Variants in IGLL1 observed in about 807,000 individuals in gnomAD.
IGLL1 encodes immunoglobulin lambda like polypeptide 1.
Under a neutral mutation model 10.5 loss-of-function variants are expected in IGLL1, and 10 were observed. That is an observed-to-expected ratio of 0.95 (90% confidence interval 0.59 to 1.62). IGLL1 has a LOEUF of 1.62. Ranked by LOEUF, IGLL1 falls within the 40% of genes most tolerant of loss-of-function variation. The probability of loss-of-function intolerance (pLI) is 0.00; values close to 1 mark genes in which losing one functional copy is unlikely to be tolerated. For synonymous variants in IGLL1, 141 were observed against 122.7 expected (o/e 1.15, Z -0.99); for missense variants, 284 against 278.7 (o/e 1.02, Z -0.14).
chr22:23,576,026 T>C (rs1925042276), intron 1 of IGLL1, among the ~76,000 whole-genome samples: 1 of 152,100 alleles, frequency 6.6e-6, no homozygotes, highest in Non-Finnish European at 1.5e-5. Context: ...CTGGAGTCTA[T>C]CCCAGCTCCA....
chr22:23,578,502 C>T (rs1177587440), intron 1 of IGLL1, among the ~76,000 whole-genome samples: 1 of 152,214 alleles, frequency 6.6e-6, no homozygotes, highest in African/African-American at 2.4e-5. Context: ...GACACCCGGT[C>T]CCGGCCTGCC....
Position 23,574,017 on chromosome 22 carries a change from G to C in IGLL1, c.323-432C>G, listed in dbSNP as rs1210736928. ...CCCTGGGGCACCAGGCTGTGCCCCAGCCTGGCCCACTCAGCTCTCCTGGTG... is the reference window on the plus strand; with the variant it reads ...CCCTGGGGCACCAGGCTGTGCCCCACCCTGGCCCACTCAGCTCTCCTGGTG... On this transcript the variant is annotated intron_variant, in intron 2 of 2. Coordinates refer to ENST00000330377, the MANE Select transcript of IGLL1 (RefSeq NM_020070.4). Among the ~76,000 whole-genome samples the C allele has an allele frequency of 2.0e-5, 3 of 151,810 alleles. No homozygotes were observed. In the South Asian group the frequency reaches 6.2e-4, roughly 31 times the overall value.
chr22:23,579,053 G>A (rs1254387166), intron 1 of IGLL1, among the ~76,000 whole-genome samples: 1 of 152,150 alleles, frequency 6.6e-6, no homozygotes, highest in African/African-American at 2.4e-5. Context: ...GGATGGGACA[G>A]GGGAGAGCTA....
In IGLL1 at chr22:23,575,017, T is replaced by C. The variant is rs746157093; in HGVS notation, c.272A>G (p.His91Arg). 2 of 1,614,016 alleles carry C rather than the reference T, an allele frequency of 1.2e-6. No homozygotes were observed. Among genetic ancestry groups the C allele is most frequent in the African/African-American group, 2.7e-5 (2 of 74,910 alleles). Residue 91 changes from histidine to arginine, a missense_variant, in exon 2 of 3, where the codon CAT becomes CGT. Physicochemically the swap from His to Arg is conservative, Grantham distance 29. Coordinates refer to ENST00000330377, the MANE Select transcript of IGLL1 (RefSeq NM_020070.4). ...GCCAAACACATGCGTCACTGAGTTA[T>C]GCTTGGATTGAAACCCCCGGGGCCA... ...RCWPRGFQSKHNSVTHVFGSG... is the reference protein window; with the variant it reads ...RCWPRGFQSKRNSVTHVFGSG...
chr22:23,580,054 T>C lies in IGLL1; in HGVS notation c.137A>G (p.Gln46Arg). 6.3e-7 allele frequency: 1 copy of C among 1,575,770 alleles called. No individual in the cohort carries two copies. Among genetic ancestry groups the C allele is most frequent in the East Asian group, 2.3e-5 (1 of 43,244 alleles). Residue 46 changes from glutamine (Q) to arginine (R), a missense_variant, in exon 1 of 3, where the codon CAG (glutamine) becomes CGG (arginine). Physicochemically the swap from Gln to Arg is conservative, Grantham distance 43. Transcript: ENST00000330377. ...HGLLRPTAAS[Q>R]SRALGPGAPG... Reference sequence around the variant, plus strand: ...GGCTCCAGGGCCCAGGGCCCTGCTCTGCGATGCAGCTGTTGGGCGCAGCAG... The same window carrying C: ...GGCTCCAGGGCCCAGGGCCCTGCTCCGCGATGCAGCTGTTGGGCGCAGCAG...
rs142255460 is a variant in IGLL1, at chr22:23,574,738, T to C, written c.322+229A>G. Among the ~76,000 whole-genome samples the C allele has an allele frequency of 1.8e-3, 271 of 152,210 alleles. 3 individuals carry two copies. Among genetic ancestry groups the C allele is most frequent in the African/African-American group, 6.1e-3 (255 of 41,538 alleles). On this transcript the variant is annotated intron_variant, in intron 2 of 2. Transcript: ENST00000330377. The stretch of plus-strand genomic sequence containing the variant: ...CCCCGCCCAATCCCAGCCCAGGCCC[T>C]GGGACCAGGCTGTGTCCTGCTGTTG...
intron 1 of IGLL1, among the ~76,000 whole-genome samples, chr22:23,575,976 T>C (rs1407362915): frequency 6.6e-6 from 1 of 152,174 alleles, no homozygotes; most frequent in East Asian, 1.9e-4. Context: ...CTTAGCCATT[T>C]TCACACTCTG....
intron 1 of IGLL1, among the ~76,000 whole-genome samples, chr22:23,578,498 C>A (rs914556048): frequency 6.6e-6 from 1 of 152,220 alleles, no homozygotes; most frequent in African/African-American, 2.4e-5. Context: ...CACTGACACC[C>A]GGTCCCGGCC....
In IGLL1 at chr22:23,575,918, T is replaced by C. The variant is rs143846139; in HGVS notation, c.207-836A>G. ...TCTTCCCCTGGCATCTGTTTCTCCA[T>C]GGCCCATGCCTGGCTGCTGACTCCC... On this transcript the variant is annotated intron_variant, in intron 1 of 2. Transcript: ENST00000330377. Among the ~76,000 whole-genome samples the C allele has an allele frequency of 4.1e-3, 618 of 151,284 alleles. 2 individuals are homozygous for C. The highest frequency in any genetic ancestry group is 0.012 in the African/African-American group (478 of 40,720).
intron 1 of IGLL1, among the ~76,000 whole-genome samples, chr22:23,577,102 C>T (rs1379643121): frequency 6.6e-6 from 1 of 152,114 alleles, no homozygotes; most frequent in East Asian, 1.9e-4. Flanking sequence ...ACATTCAAAA[C>T]CTATTAAGAC....
At chr22:23,577,470 A>G (rs540052201) in intron 1 of IGLL1, among the ~76,000 whole-genome samples, 8 of 152,140 alleles carry the variant, frequency 5.3e-5, no homozygotes, top group African/African-American at 1.9e-4. Context: ...TTAATAAGCT[A>G]TGAATAGAAA....
chr22:23,576,309 C>T (rs551978300), intron 1 of IGLL1, among the ~76,000 whole-genome samples: 284 of 139,196 alleles, frequency 2.0e-3, no homozygotes, highest in South Asian at 4.3e-3. Context: ...GACAGAGTCT[C>T]GCTCTGTTGC....
At chr22:23,577,724 T>C (rs1405467684) in intron 1 of IGLL1, among the ~76,000 whole-genome samples, 1 of 151,922 alleles carries the variant, frequency 6.6e-6, no homozygotes, top group Non-Finnish European at 1.5e-5. Context: ...TTTGTAGAAA[T>C]GGGGTCTTGC....
chr22:23,575,039 G>A lies in IGLL1; in HGVS notation c.250C>T (p.Pro84Ser). The A allele has an allele frequency of 1.2e-6, 2 of 1,614,036 alleles. No homozygotes were observed. Among genetic ancestry groups the A allele is most frequent in the South Asian group, 1.1e-5 (1 of 91,078 alleles). Residue 84 changes from proline to serine, a missense_variant, in exon 2 of 3, where the codon CCC becomes TCC. Transcript: ENST00000330377. ...TTATGCTTGGATTGAAACCCCCGGG[G>A]CCAGCACCTGGGGCCAGTCCAGGAG... The part of the protein sequence containing the change: ...RGSWTGPRCW[P>S]RGFQSKHNSV...
At chr22:23,579,852 TAA>T (rs1925248890) in intron 1 of IGLL1, 131 bp downstream of exon 1, 1 of 651,582 alleles carries the variant, frequency 1.5e-6, no homozygotes, top group South Asian at 2.0e-5. Context: ...ACACTTTAGT[TAA>T]AGTCAGTGTC....
Position 23,580,042 on chromosome 22 carries a change from AG to A in IGLL1, c.148del (p.Leu50TrpfsTer14). ...GCTTCCTCCAGGGGCTCCAGGGCCC[AG>A]GGCCCTGCTCTGCGATGCAGCTGTT... ...RPTAASQSRA[L>X]GPGAPGGSSR... On this transcript the variant is annotated frameshift_variant, in exon 1 of 3. Transcript: ENST00000330377. LOFTEE classifies it high-confidence loss of function. 1.3e-6 allele frequency: 2 copies of A among 1,577,264 alleles called. No homozygotes were observed.
intron 2 of IGLL1, among the ~76,000 whole-genome samples, chr22:23,574,045 G>A (rs561840886): frequency 3.3e-5 from 5 of 151,776 alleles, no homozygotes; most frequent in Non-Finnish European, 7.4e-5. Context: ...TCCTGGTGAA[G>A]CGTGGGCTCC....
Position 23,580,285 on chromosome 22 carries a change from C to T in IGLL1, c.-95G>A. On this transcript the variant is annotated 5_prime_UTR_variant, in exon 1 of 3. It removes an upstream start codon present in the reference 5' UTR. Transcript: ENST00000330377. ...TCCCTCTCGCTGGCAGCAGCTGTCC[C>T]ATTGCACCCCAGTCCATGTGGCCCC... 1 of 1,523,202 alleles carries T rather than the reference C, an allele frequency of 6.6e-7. No individual in the cohort carries two copies. The highest frequency in any genetic ancestry group is 2.0e-5 in the Admixed American group (1 of 50,692). 94.4% of individuals were successfully genotyped at this position (1,523,202 alleles called of 1,614,324 possible).
intron 1 of IGLL1, among the ~76,000 whole-genome samples, chr22:23,578,526 C>T (rs997655582): frequency 6.6e-6 from 1 of 152,206 alleles, no homozygotes; most frequent in African/African-American, 2.4e-5. Context: ...ATGCTGACCC[C>T]GCCTCCATGG....
Sources: gnomAD v4.1 joint callset for allele counts (sites outside exome capture counted in the v4.1 genomes callset) on GRCh38, gnomAD v4.1.1 for gene constraint, MANE v1.5 for transcripts, NCBI Gene and HGNC (gene_info 2026-07-23, HGNC 2026-07-21) for gene names.